LRP5: variants seen among roughly 807,000 people sequenced by gnomAD.
LRP5 encodes the protein low-density lipoprotein receptor-related protein 5.
In LRP5, 62 loss-of-function variants were observed where a neutral mutation model predicts 154.1. The observed-to-expected ratio is 0.40, with a 90% confidence interval of 0.33 to 0.50. LRP5 has a LOEUF of 0.50. LRP5 is among the 20% of genes least tolerant of loss of function. The pLI is 0.55. For synonymous variants in LRP5, 966 were observed against 1,011.5 expected, an observed-to-expected ratio of 0.96 and a Z score of 0.85; for missense variants, 1,915 against 2,336.7, an observed-to-expected ratio of 0.82 and a Z score of 3.72.
chr11:68,410,138 G>A lies in LRP5; in HGVS notation c.2316G>A (p.Lys772=), dbSNP rs769649663. The change falls in exon 10 of 23, where the codon AAG becomes AAA. Residue 772 remains lysine (K), a splice_region_variant and synonymous_variant. Transcript: ENST00000294304. ...GGTCGCTGGCCCTGGATCCCACCAA[G>A]GGGTAAGTGTTTGCCTGTCCCGTGC... ...NPRSLALDPT[K]GYIYWTEWGG... is the part of the protein sequence containing the mutation. The A allele has an allele frequency of 3.1e-6, 5 of 1,613,422 alleles. No individual in the cohort carries two copies. Among genetic ancestry groups the A allele is most frequent in the Non-Finnish European group, 4.2e-6 (5 of 1,179,786 alleles).
At chr11:68,429,370 G>A (rs1362082480) in intron 16 of LRP5, among the ~76,000 whole-genome samples, 2 of 152,252 alleles carry the variant, frequency 1.3e-5, no homozygotes, top group African/African-American at 2.4e-5. Context: ...AATTGTTTCC[G>A]GCATCCATTT....
At chr11:68,372,853 T>C (rs1224738713) in intron 5 of LRP5, among the ~76,000 whole-genome samples, 1 of 148,780 alleles carries the variant, frequency 6.7e-6, no homozygotes, top group Non-Finnish European at 1.5e-5. Flanking sequence ...CGGAGGGGGG[T>C]GTGCTGGGCG....
chr11:68,357,860 G>A lies in LRP5; in HGVS notation c.686+13G>A, dbSNP rs377344481. 6.4e-4 allele frequency: 1,020 copies of A among 1,603,530 alleles called. 4 individuals carry two copies. Among genetic ancestry groups the A allele is most frequent in the Non-Finnish European group, 7.6e-4 (890 of 1,175,524 alleles). ...ACGGCTCGTTCCGGTAGGTACCCAC[G>A]CAGTCCTGGGGCACCCCTTTCCCCT... On this transcript the variant is annotated intron_variant, in intron 3 of 22. Coordinates refer to ENST00000294304, the MANE Select transcript of LRP5 (RefSeq NM_002335.4).
the LRP5 span, among the ~76,000 whole-genome samples, chr11:68,303,955 G>C: frequency 6.6e-6 from 1 of 152,186 alleles, no homozygotes; most frequent in Non-Finnish European, 1.5e-5. Flanking sequence ...ATGTGACAAA[G>C]AAAGAAAAAG....
chr11:68,372,618 G>A (rs143154435), intron 5 of LRP5, among the ~76,000 whole-genome samples: 104 of 152,310 alleles, frequency 6.8e-4, no homozygotes, highest in African/African-American at 2.4e-3. Flanking sequence ...TAGAAAGGGG[G>A]TGATTATACT....
Position 68,449,193 on chromosome 11 carries a change from T to G in LRP5, c.*123T>G. 2.8e-6 allele frequency: 2 copies of G among 709,948 alleles called. No homozygotes were observed. The highest frequency in any genetic ancestry group is 3.4e-5 in the Admixed American group (1 of 29,786). The allele number at this position is 709,948 out of a possible 1,614,324, so 44.0% of individuals were successfully genotyped here. ...ATTGGGATTTTAAAAACATGAGAAA[T>G]GTGAACTGTGATGGGGTGGGCAGGG... On this transcript the variant is annotated 3_prime_UTR_variant, in exon 23 of 23. Transcript: ENST00000294304.
intron 1 of LRP5, among the ~76,000 whole-genome samples, chr11:68,331,751 GTGTGT>G (rs2098602915): frequency 6.7e-6 from 1 of 149,612 alleles, no homozygotes; most frequent in Non-Finnish European, 1.5e-5. Flanking sequence ...GGCTGTGTGT[GTGTGT>G]GTGTGTGTGT....
At chr11:68,300,780 C>T in the LRP5 span, among the ~76,000 whole-genome samples, 88 of 149,662 alleles carry the variant, frequency 5.9e-4, 9 homozygotes, top group Non-Finnish European at 1.2e-3. Context: ...TACATGGAGC[C>T]GCCTTCCAGG....
chr11:68,424,976 A>C (rs2098667859), intron 14 of LRP5, 126 bp from the exon 15 acceptor site: 3 of 729,950 alleles, frequency 4.1e-6, no homozygotes, highest in Non-Finnish European at 7.2e-6. Context: ...ATAGAATGTG[A>C]CCTGTCAGCC....
chr11:68,445,449 G>C (rs562945422), intron 21 of LRP5: 4 of 404,360 alleles, frequency 9.9e-6, no homozygotes, highest in Non-Finnish European at 1.9e-5. Context: ...CCAGAAGGTG[G>C]TAAAACAGGA....
At chr11:68,308,423 CAT>C (rs1240864688), upstream of LRP5, among the ~76,000 whole-genome samples, 1 of 152,198 alleles carries the variant, frequency 6.6e-6, no homozygotes, top group Non-Finnish European at 1.5e-5. Flanking sequence ...CCTGTTACTT[CAT>C]TGGGATGGAC....
Position 68,413,703 on chromosome 11 carries a change from GTGA to G in LRP5, c.2520_2522del (p.Ile841del). ...TGTTCATGCAGGTCAGGAGCGGGTC[GTGA>G]TTGCCGACGATCTCCCGCACCCGTT... On this transcript the variant is annotated inframe_deletion, in exon 12 of 23. Coordinates refer to ENST00000294304, the MANE Select transcript of LRP5 (RefSeq NM_002335.4). This position sits in a 1 kb window ranked among gnomAD's most constrained non-coding sequence, Gnocchi z 5.1. The G allele has an allele frequency of 6.2e-7, 1 of 1,613,758 alleles. No homozygotes were observed. The highest frequency in any genetic ancestry group is 1.1e-5 in the South Asian group (1 of 91,088).
intron 5 of LRP5, among the ~76,000 whole-genome samples, chr11:68,378,756 G>A (rs1297590231): frequency 2.6e-5 from 4 of 152,040 alleles, no homozygotes; most frequent in Non-Finnish European, 5.9e-5. Flanking sequence ...CGACTTTTAG[G>A]GTCAGGCGCG....
Position 68,386,458 on chromosome 11 carries a change from T to C in LRP5, c.1158T>C (p.Tyr386=), listed in dbSNP as rs1435454558. Residue 386 remains tyrosine, a synonymous_variant, in exon 6 of 23, where the codon TAT becomes TAC. Coordinates refer to ENST00000294304, the MANE Select transcript of LRP5 (RefSeq NM_002335.4). This position sits in a 1 kb window ranked among gnomAD's most constrained non-coding sequence, Gnocchi z 7.9. ...TCGACTACGACCCGCTAGAGGGCTA[T>C]GTCTACTGGACAGATGACGAGGTGC... ...IAIDYDPLEG[Y]VYWTDDEVRA... The C allele has an allele frequency of 4.3e-6, 7 of 1,614,010 alleles. No homozygotes were observed. The highest frequency in any genetic ancestry group is 5.9e-6 in the Non-Finnish European group (7 of 1,180,042).
At chr11:68,403,834 A>T in intron 8 of LRP5, 135 bp downstream of exon 8, 1 of 1,032,220 alleles carries the variant, frequency 9.7e-7, no homozygotes, top group Non-Finnish European at 1.4e-6. Context: ...GAAAGGTGAC[A>T]GTATCTGGCC....
At chr11:68,312,263 C>T (rs1335504228), upstream of LRP5, among the ~76,000 whole-genome samples, 1 of 152,064 alleles carries the variant, frequency 6.6e-6, no homozygotes, top group Non-Finnish European at 1.5e-5. Context: ...CGCTGTGTGC[C>T]CTTGGGCAAC....
In LRP5 at chr11:68,344,849, C is replaced by CTTTTTTTTTTTT. The variant is rs58477287; in HGVS notation, c.92-2979_92-2968dup. On this transcript the variant is annotated intron_variant, in intron 1 of 22. Coordinates refer to ENST00000294304, the MANE Select transcript of LRP5 (RefSeq NM_002335.4). ...TTGTAGCATGTGTCAGAATCTCTCTCTTTTTTTTTTTTTTTTTTTTTTTTT... is the reference window on the plus strand; with the variant it reads ...TTGTAGCATGTGTCAGAATCTCTCTCTTTTTTTTTTTTTTTTTTTTTTTTTTTTTTTTTTTTT... 1.2e-4 allele frequency among the ~76,000 whole-genome samples: 8 copies of CTTTTTTTTTTTT among 65,576 alleles called. 2 individuals are homozygous for CTTTTTTTTTTTT. The highest frequency in any genetic ancestry group is 1.8e-4 in the Non-Finnish European group (6 of 34,234). The allele number at this position is 65,576 out of a possible 152,430, so 43.0% of individuals were successfully genotyped here. A position where few individuals can be genotyped will look rare whatever the true frequency, so the allele number is the denominator to read the frequency against.
At chr11:68,306,359 C>G in the LRP5 span, among the ~76,000 whole-genome samples, 7 of 152,162 alleles carry the variant, frequency 4.6e-5, no homozygotes, top group Non-Finnish European at 8.8e-5. Context: ...TGCTCTCGAA[C>G]TCATGACCTT....
At chr11:68,366,697 C>T (rs1325790816) in intron 5 of LRP5, among the ~76,000 whole-genome samples, 1 of 152,172 alleles carries the variant, frequency 6.6e-6, no homozygotes, top group Non-Finnish European at 1.5e-5. Flanking sequence ...ATCAAAGGGT[C>T]TGTCCGCTGT....
Sources: gnomAD v4.1 joint callset for allele counts (sites outside exome capture counted in the v4.1 genomes callset) on GRCh38, gnomAD v4.1.1 for gene constraint, Gnocchi (gnomAD v3.1) non-coding constraint, MANE v1.5 for transcripts, NCBI Gene and HGNC (gene_info 2026-07-23, HGNC 2026-07-21) for gene names.